Variants in PBRM1 observed in about 807,000 individuals in gnomAD.
The protein encoded by PBRM1 is protein polybromo-1.
In PBRM1, 27 loss-of-function variants were observed where a neutral mutation model predicts 194.5. That is an observed-to-expected ratio of 0.14 (90% confidence interval 0.10 to 0.19). The LOEUF (loss-of-function observed/expected upper bound fraction) is 0.19, where lower values mean the gene tolerates loss of function less well. PBRM1 is among the 10% of genes least tolerant of loss of function. PBRM1 has a pLI of 1.00. For synonymous variants in PBRM1, 655 were observed against 693.2 expected (o/e 0.94, Z 0.87); for missense variants, 1,466 against 2,077.2 (o/e 0.71, Z 5.72).
intron 2 of PBRM1, among the ~76,000 whole-genome samples, chr3:52,673,473 T>C (rs1031318504): frequency 7.0e-6 from 1 of 141,898 alleles, no homozygotes; most frequent in African/African-American, 2.6e-5. Context: ...GTTCGAGACC[T>C]GCCTGGCCAA....
At chr3:52,580,515 T>C (rs914695097) in intron 20 of PBRM1, among the ~76,000 whole-genome samples, 5 of 152,048 alleles carry the variant, frequency 3.3e-5, no homozygotes, top group African/African-American at 1.2e-4. Flanking sequence ...CCCGCTACCA[T>C]GCCCAGCTAA....
At chr3:52,579,008 A>G (rs376256954) in intron 21 of PBRM1, 46 bp downstream of exon 23, 3 of 1,602,302 alleles carry the variant, frequency 1.9e-6, no homozygotes, top group South Asian at 2.2e-5. Flanking sequence ...ACTGGTTCCA[A>G]ATTTCTCAGA....
intron 1 of PBRM1, 199 bp downstream of exon 1, chr3:52,685,550 C>G (rs1285196927): frequency 1.3e-5 from 2 of 151,516 alleles, no homozygotes; most frequent in East Asian, 1.9e-4. Context: ...TTGTCCCTGC[C>G]GGCAGGTGCG....
chr3:52,588,678 C>T (rs2153801342), intron 18 of PBRM1, among the ~76,000 whole-genome samples: 1 of 151,878 alleles, frequency 6.6e-6, no homozygotes, highest in South Asian at 2.1e-4. Context: ...CCTCAGCCTC[C>T]CGAGTAGCTG....
At chr3:52,667,959 G>C (rs911273612) in intron 3 of PBRM1, among the ~76,000 whole-genome samples, 2 of 152,008 alleles carry the variant, frequency 1.3e-5, no homozygotes, top group African/African-American at 4.8e-5. Context: ...AGAAAAATGG[G>C]CAAAAGATTT....
At chr3:52,548,746 G>A (rs2080099402) in intron 29 of PBRM1, among the ~76,000 whole-genome samples, 1 of 151,822 alleles carries the variant, frequency 6.6e-6, no homozygotes, top group Non-Finnish European at 1.5e-5. Flanking sequence ...TTTTTTGTAG[G>A]CATCCCTGAT....
At chr3:52,647,377 T>C (rs1355557918) in intron 7 of PBRM1, among the ~76,000 whole-genome samples, 1 of 123,908 alleles carries the variant, frequency 8.1e-6, no homozygotes, top group Non-Finnish European at 1.6e-5. Flanking sequence ...AAGTTAAATA[T>C]ACAGTTACCA....
chr3:52,610,003 A>G (rs761942583), intron 15 of PBRM1, 48 bp from the exon 18 acceptor site: 8 of 1,162,714 alleles, frequency 6.9e-6, no homozygotes, highest in Non-Finnish European at 9.5e-6. Flanking sequence ...ATGAACCTAA[A>G]TTTGTATACA....
intron 2 of PBRM1, 44 bp from the exon 4 acceptor site, chr3:52,668,689 T>A: frequency 8.2e-7 from 1 of 1,220,222 alleles, no homozygotes. Flanking sequence ...ATCTGAAGCT[T>A]ACAAAAAGTT....
At chr3:52,647,486 A>ATATG (rs1553853015) in intron 7 of PBRM1, among the ~76,000 whole-genome samples, 51 of 121,646 alleles carry the variant, frequency 4.2e-4, no homozygotes, top group Non-Finnish European at 7.2e-4. Context: ...ATATATATAT[A>ATATG]TATGTAGTAT....
At chr3:52,629,677 C>A (rs2095555978) in intron 11 of PBRM1, among the ~76,000 whole-genome samples, 1 of 152,274 alleles carries the variant, frequency 6.6e-6, no homozygotes, top group Middle Eastern at 3.4e-3. Flanking sequence ...TAAACACAAT[C>A]ATTATTATTG....
chr3:52,548,198 C>T (rs1290691159), exon 30 of PBRM1: 5 of 1,599,802 alleles, frequency 3.1e-6, no homozygotes, highest in Non-Finnish European at 4.3e-6. Context: ...GTAGGCGGCT[C>T]TCCTGTTCTT....
At position 52,602,072 on chromosome 3, in the gene PBRM1, T is replaced by C. The variant is rs2094036581; in HGVS notation, c.2779+1449A>G. ...CCCCTGGATGGAATGTGCAGATAATTACATGTACGTGATCAATCAGTTGCT... is the reference window on the plus strand; with the variant it reads ...CCCCTGGATGGAATGTGCAGATAATCACATGTACGTGATCAATCAGTTGCT... On this transcript the variant is annotated intron_variant, in intron 17 of 29. Transcript: ENST00000296302. Among the ~76,000 whole-genome samples the C allele has an allele frequency of 2.0e-5, 3 of 152,194 alleles. No homozygotes were observed. In the South Asian group the frequency reaches 6.2e-4, roughly 31 times the overall value.
chr3:52,562,147 C>G (rs990032765), intron 24 of PBRM1, among the ~76,000 whole-genome samples, 179 bp from the exon 27 acceptor site: 2 of 137,998 alleles, frequency 1.4e-5, no homozygotes, highest in Non-Finnish European at 3.2e-5. Flanking sequence ...CAGTGAAACC[C>G]CGTTTCTACT....
At chr3:52,579,567 C>T (rs2090557832) in intron 20 of PBRM1, among the ~76,000 whole-genome samples, 1 of 152,082 alleles carries the variant, frequency 6.6e-6, no homozygotes, top group African/African-American at 2.4e-5. Flanking sequence ...CATTGTACTC[C>T]AGCCTGGGCG....
intron 17 of PBRM1, among the ~76,000 whole-genome samples, chr3:52,589,770 T>C (rs2092830658): frequency 6.6e-6 from 1 of 152,166 alleles, no homozygotes; most frequent in South Asian, 2.1e-4. Context: ...TATATATACT[T>C]AATATATCAA....
intron 17 of PBRM1, among the ~76,000 whole-genome samples, chr3:52,596,232 G>C (rs1382141742): frequency 1.3e-5 from 2 of 151,792 alleles, no homozygotes; most frequent in African/African-American, 4.8e-5. Context: ...GAGGTCAAGA[G>C]ATCAAGACCA....
chr3:52,626,645 C>T (rs1298736535), intron 13 of PBRM1, among the ~76,000 whole-genome samples: 1 of 152,092 alleles, frequency 6.6e-6, no homozygotes, highest in African/African-American at 2.4e-5. Flanking sequence ...CTTATAGGAT[C>T]CCAGCTTTGG....
In PBRM1 at chr3:52,636,069, C is replaced by A. The variant is rs575061894; in HGVS notation, c.1088-1254G>T. Among the ~76,000 whole-genome samples, 9 of 151,950 alleles carry A rather than the reference C, an allele frequency of 5.9e-5. No homozygotes were observed. In the South Asian group the frequency reaches 1.9e-3, roughly 32 times the overall value. On this transcript the variant is annotated intron_variant, in intron 10 of 29. Coordinates refer to ENST00000296302, the Ensembl canonical transcript of PBRM1. Reference sequence around the variant, plus strand: ...TGTATTTTTAGTAGAGATGGGGTTTCACCATATTAGCCAGGATGGTCTCGA... The same window carrying A: ...TGTATTTTTAGTAGAGATGGGGTTTAACCATATTAGCCAGGATGGTCTCGA...
Sources: allele counts gnomAD v4.1 joint callset (sites outside exome capture counted in the v4.1 genomes callset), GRCh38; gene constraint gnomAD v4.1.1; transcripts MANE v1.5; gene names NCBI Gene and HGNC (gene_info 2026-07-23, HGNC 2026-07-21).